The following SPATA17 variants were observed in gnomAD, a reference collection of about 807,000 sequenced individuals.
SPATA17 encodes the protein spermatogenesis associated 17, also known as spermatogenesis-associated protein 17.
SPATA17 carries 53 observed loss-of-function variants against 62.2 expected under a neutral mutation model. The ratio of observed to expected loss-of-function variants is 0.85; its 90% CI spans 0.68 to 1.07. SPATA17 has a LOEUF of 1.07. Ranked by LOEUF, SPATA17 falls within the 50% of genes least tolerant of loss-of-function variation. SPATA17 has a pLI of 0.00. For synonymous variants in SPATA17, 146 were observed against 146.8 expected, an observed-to-expected ratio of 0.99 and a Z score of 0.04; for missense variants, 466 against 425.5, an observed-to-expected ratio of 1.10 and a Z score of -0.84.
intron 9 of SPATA17, among the ~76,000 whole-genome samples, chr1:217,859,758 C>T (rs1675860952): frequency 6.6e-6 from 1 of 152,098 alleles, no homozygotes; most frequent in Non-Finnish European, 1.5e-5. Flanking sequence ...GCCCATTTTT[C>T]AGTCCTGATA....
chr1:217,698,844 T>G (rs187091585), intron 5 of SPATA17, among the ~76,000 whole-genome samples: 36 of 152,344 alleles, frequency 2.4e-4, no homozygotes, highest in Admixed American at 5.9e-4. Context: ...TGCCCTTTTA[T>G]AACCACATTC....
Position 217,801,767 on chromosome 1 carries a change from A to G in SPATA17, c.922A>G (p.Met308Val). 1.2e-6 allele frequency: 2 copies of G among 1,610,894 alleles called. No homozygotes were observed. The highest frequency in any genetic ancestry group is 1.7e-6 in the Non-Finnish European group (2 of 1,178,744). The change falls in exon 9 of 11, where the codon ATG becomes GTG. Residue 308 changes from methionine (M) to valine (V), a missense_variant. Coordinates refer to ENST00000366933, the MANE Select transcript of SPATA17 (RefSeq NM_138796.4). ...TAAAAATGAAAAGTACATCCCATCA[A>G]TGCATTTATCAAGCAAGTATGGTCC... ...YHKNEKYIPS[M>V]HLSSKYGPIS...
At position 217,782,156 on chromosome 1, in the gene SPATA17, C is replaced by T; in HGVS notation, c.724-18C>T. Reference sequence around the variant, plus strand: ...AAAATCTTCCATATAAAATATGTTCCTCATCCTGTCTTGTCAGGGGCCCTT... The same window carrying T: ...AAAATCTTCCATATAAAATATGTTCTTCATCCTGTCTTGTCAGGGGCCCTT... On this transcript the variant is annotated intron_variant, in intron 7 of 10. Transcript: ENST00000366933. 6.4e-7 allele frequency: 1 copy of T among 1,565,918 alleles called. No homozygotes were observed. Among genetic ancestry groups the T allele is most frequent in the East Asian group, 2.3e-5 (1 of 43,716 alleles).
intron 5 of SPATA17, among the ~76,000 whole-genome samples, chr1:217,721,699 T>G (rs1342528674): frequency 6.6e-6 from 1 of 152,228 alleles, no homozygotes; most frequent in South Asian, 2.1e-4. Context: ...GTTTGAACTT[T>G]GGTCCTTCTA....
intron 9 of SPATA17, among the ~76,000 whole-genome samples, chr1:217,808,980 T>A (rs1674514767): frequency 6.6e-6 from 1 of 152,118 alleles, no homozygotes; most frequent in Non-Finnish European, 1.5e-5. Context: ...GTGGTGGTGA[T>A]TTAAGAATTT....
intron 6 of SPATA17, among the ~76,000 whole-genome samples, chr1:217,755,590 A>T (rs1673023171): frequency 6.6e-6 from 1 of 152,042 alleles, no homozygotes; most frequent in Admixed American, 6.6e-5. Flanking sequence ...CTTGAATTTC[A>T]GAGTTTTTTC....
At chr1:217,662,721 C>T (rs2102892103) in intron 3 of SPATA17, among the ~76,000 whole-genome samples, 1 of 152,184 alleles carries the variant, frequency 6.6e-6, no homozygotes, top group East Asian at 1.9e-4. Context: ...GTATAAAATA[C>T]CAGTCACTAG....
chr1:217,729,705 T>C (rs1175886738), intron 5 of SPATA17, among the ~76,000 whole-genome samples: 1 of 152,180 alleles, frequency 6.6e-6, no homozygotes, highest in African/African-American at 2.4e-5. Flanking sequence ...ATTCTTTGCC[T>C]TAAAAACAGT....
rs1303707311 is a variant in SPATA17, at chr1:217,813,684, A to G, written c.1005+11834A>G. Among the ~76,000 whole-genome samples the G allele has an allele frequency of 2.0e-5, 3 of 152,252 alleles. No individual in the cohort carries two copies. In the East Asian group the frequency reaches 5.8e-4, roughly 29 times the overall value. On this transcript the variant is annotated intron_variant, in intron 9 of 10. Coordinates refer to ENST00000366933, the MANE Select transcript of SPATA17 (RefSeq NM_138796.4). Reference sequence around the variant, plus strand: ...TTCTCTCCCTCTTTAACAATATATTAGAGACTGAATTTTTTCAGTTTTCTT... The same window carrying G: ...TTCTCTCCCTCTTTAACAATATATTGGAGACTGAATTTTTTCAGTTTTCTT...
intron 9 of SPATA17, among the ~76,000 whole-genome samples, chr1:217,818,762 C>A (rs1057175006): frequency 2.6e-5 from 4 of 150,990 alleles, no homozygotes; most frequent in Non-Finnish European, 5.9e-5. Flanking sequence ...TTTAAATATT[C>A]TTTTTTACTG....
intron 6 of SPATA17, among the ~76,000 whole-genome samples, chr1:217,762,867 G>C (rs1673205964): frequency 6.6e-6 from 1 of 152,138 alleles, no homozygotes; most frequent in Non-Finnish European, 1.5e-5. Flanking sequence ...AGCTACTGGG[G>C]AGGCTGAGGT....
intron 5 of SPATA17, among the ~76,000 whole-genome samples, chr1:217,711,705 A>G (rs1671869890): frequency 6.6e-6 from 1 of 152,256 alleles, no homozygotes; most frequent in Non-Finnish European, 1.5e-5. Flanking sequence ...GCTAGTACTT[A>G]TAAACAGGAG....
At chr1:217,644,237 CA>C (rs1315049204) in intron 1 of SPATA17, among the ~76,000 whole-genome samples, 6 of 152,128 alleles carry the variant, frequency 3.9e-5, no homozygotes, top group Non-Finnish European at 8.8e-5. Context: ...AAATATAAAA[CA>C]TAGGTTCTAG....
At chr1:217,735,366 ATC>A (rs149139034) in intron 5 of SPATA17, among the ~76,000 whole-genome samples, 3,376 of 152,238 alleles carry the variant, frequency 0.022, 126 homozygotes, top group African/African-American at 0.077. Flanking sequence ...GAGGGAGAGC[ATC>A]TTTCTCATGT....
chr1:217,666,124 C>A (rs550597418), intron 3 of SPATA17, among the ~76,000 whole-genome samples: 1 of 151,950 alleles, frequency 6.6e-6, no homozygotes, highest in Non-Finnish European at 1.5e-5. Flanking sequence ...AATTTTCGCC[C>A]GAGATCTTTC....
chr1:217,864,057 C>T (rs1648013923), intron 10 of SPATA17, among the ~76,000 whole-genome samples: 1 of 152,136 alleles, frequency 6.6e-6, no homozygotes, highest in Non-Finnish European at 1.5e-5. Flanking sequence ...CTTTTAGCTA[C>T]TCTGAAGGAA....
intron 3 of SPATA17, among the ~76,000 whole-genome samples, chr1:217,668,561 T>C (rs769481667): frequency 7.9e-5 from 12 of 152,192 alleles, no homozygotes; most frequent in Non-Finnish European, 1.8e-4. Context: ...TTTTGCTCCA[T>C]CACTGCATCC....
At chr1:217,770,311 T>C (rs1249618765) in intron 6 of SPATA17, among the ~76,000 whole-genome samples, 3 of 152,232 alleles carry the variant, frequency 2.0e-5, no homozygotes, top group Non-Finnish European at 1.5e-5. Context: ...GCCACTCTTT[T>C]TTGCTGCGTA....
chr1:217,758,345 G>A (rs748810745), intron 6 of SPATA17, among the ~76,000 whole-genome samples: 1 of 152,116 alleles, frequency 6.6e-6, no homozygotes, highest in Non-Finnish European at 1.5e-5. Context: ...AAAAAAGCTA[G>A]CATTTGTTGA....
Sources: allele counts gnomAD v4.1 joint callset (sites outside exome capture counted in the v4.1 genomes callset), GRCh38; gene constraint gnomAD v4.1.1; transcripts MANE v1.5; gene names NCBI Gene and HGNC (gene_info 2026-07-23, HGNC 2026-07-21).